The following COP1 variants were observed in gnomAD, a reference collection of about 807,000 sequenced individuals.
COP1 encodes E3 ubiquitin-protein ligase COP1.
Under a neutral mutation model 101.3 loss-of-function variants are expected in COP1, and 24 were observed. The ratio of observed to expected loss-of-function variants is 0.24; its 90% CI spans 0.17 to 0.33. The LOEUF (loss-of-function observed/expected upper bound fraction) is 0.33. Ranked by LOEUF, COP1 falls within the 10% of genes least tolerant of loss-of-function variation. COP1 has a pLI of 1.00. For synonymous variants in COP1, 347 were observed against 341.9 expected, an observed-to-expected ratio of 1.01 and a Z score of -0.17; for missense variants, 663 against 906.2, an observed-to-expected ratio of 0.73 and a Z score of 3.45.
chr1:176,005,633 T>C (rs1220968156), intron 15 of COP1, among the ~76,000 whole-genome samples: 1 of 152,216 alleles, frequency 6.6e-6, no homozygotes, highest in Non-Finnish European at 1.5e-5. Context: ...CAGGAGCAGG[T>C]TGTTCAGTTT....
At chr1:176,033,682 G>T (rs982244118) in intron 14 of COP1, among the ~76,000 whole-genome samples, 1 of 151,854 alleles carries the variant, frequency 6.6e-6, no homozygotes, top group Admixed American at 6.6e-5. Context: ...ACATAATGAT[G>T]GTTCTTTAAC....
intron 9 of COP1, among the ~76,000 whole-genome samples, chr1:176,097,946 A>G (rs1302499628): frequency 6.6e-6 from 1 of 152,072 alleles, no homozygotes; most frequent in Admixed American, 6.5e-5. Context: ...TTTTAAAAGG[A>G]AAATAAAAGC....
chr1:175,955,066 G>A (rs2148506030), intron 18 of COP1, among the ~76,000 whole-genome samples: 1 of 152,068 alleles, frequency 6.6e-6, no homozygotes, highest in East Asian at 1.9e-4. Context: ...TGGGCAATAT[G>A]GCGAAACCCT....
In COP1 at chr1:176,149,057, T is replaced by C. The variant is rs1692013198; in HGVS notation, c.780A>G (p.Gln260=). 6.3e-7 allele frequency: 1 copy of C among 1,585,836 alleles called. No individual in the cohort carries two copies. The highest frequency in any genetic ancestry group is 8.6e-7 in the Non-Finnish European group (1 of 1,161,732). The change falls in exon 6 of 20, where the codon CAA becomes CAG. Residue 260 remains glutamine (Q), a synonymous_variant. Transcript: ENST00000367669. ...TGAGGAATTCCATAAGAATCTGTAG[T>C]TGGGCTGCATGTGATTCCTACAATA... ...KQLEAESHAA[Q]LQILMEFLKV...
At chr1:176,106,160 A>G (rs1684266224) in intron 9 of COP1, among the ~76,000 whole-genome samples, 1 of 152,106 alleles carries the variant, frequency 6.6e-6, no homozygotes, top group Non-Finnish European at 1.5e-5. Context: ...CATCCTGAGT[A>G]GCTGGGATTA....
chr1:176,206,658 G>A lies in COP1; in HGVS notation c.321C>T (p.Gly107=), dbSNP rs1407065588. Residue 107 remains glycine, a synonymous_variant, in exon 1 of 20, where the codon GGC becomes GGT. Transcript: ENST00000367669. ...AGVGGSSSSL[G]SGSRKRPLLA... ...GGAGAGGTCGCTTCCTGCTGCCGCT[G>A]CCTAGGCTGGAGCTGCTGCCTCCTA... 6 of 1,611,096 alleles carry A rather than the reference G, an allele frequency of 3.7e-6. No homozygotes were observed. The highest frequency in any genetic ancestry group is 4.2e-6 in the Non-Finnish European group (5 of 1,179,962).
intron 5 of COP1, among the ~76,000 whole-genome samples, chr1:176,150,132 C>T (rs1692186909): frequency 6.6e-6 from 1 of 152,162 alleles, no homozygotes; most frequent in African/African-American, 2.4e-5. Flanking sequence ...CAATTAAAAT[C>T]TGAAGAATCA....
intron 11 of COP1, among the ~76,000 whole-genome samples, chr1:176,052,993 T>G (rs1490258319): frequency 1.3e-5 from 2 of 152,100 alleles, no homozygotes; most frequent in East Asian, 3.9e-4. Context: ...TCTTTCACTG[T>G]TAAACAATGC....
At chr1:176,117,863 C>A (rs1349939728) in intron 8 of COP1, among the ~76,000 whole-genome samples, 2 of 152,140 alleles carry the variant, frequency 1.3e-5, no homozygotes, top group African/African-American at 4.8e-5. Context: ...CCATTGCACT[C>A]CAGCCTGGGC....
chr1:175,959,173 A>G (rs1236601973), intron 18 of COP1, among the ~76,000 whole-genome samples: 1 of 151,986 alleles, frequency 6.6e-6, no homozygotes, highest in Non-Finnish European at 1.5e-5. Flanking sequence ...GTTAAAAAAA[A>G]ATTTCACCTA....
At chr1:176,086,718 C>T (rs1468639385) in intron 9 of COP1, among the ~76,000 whole-genome samples, 14 of 152,174 alleles carry the variant, frequency 9.2e-5, no homozygotes, top group African/African-American at 3.4e-4. Flanking sequence ...CCATCCCCAT[C>T]AAGCTACCAA....
chr1:175,991,830 A>T (rs1216052027), intron 15 of COP1, among the ~76,000 whole-genome samples: 1 of 152,190 alleles, frequency 6.6e-6, no homozygotes, highest in African/African-American at 2.4e-5. Flanking sequence ...GTTTTGTCTC[A>T]CTGAAAAGTC....
chr1:176,026,372 T>C (rs981306843), intron 15 of COP1, among the ~76,000 whole-genome samples: 23 of 152,000 alleles, frequency 1.5e-4, no homozygotes, highest in African/African-American at 5.3e-4. Flanking sequence ...ATAAGAACTT[T>C]ACACAAAGAA....
At chr1:176,172,742 T>C (rs775521897) in intron 3 of COP1, among the ~76,000 whole-genome samples, 5 of 152,098 alleles carry the variant, frequency 3.3e-5, no homozygotes, top group Non-Finnish European at 4.4e-5. Flanking sequence ...CATTTTTTAG[T>C]ATAGAAAAAA....
intron 15 of COP1, among the ~76,000 whole-genome samples, chr1:176,007,084 T>C (rs1399845807): frequency 6.6e-6 from 1 of 152,222 alleles, no homozygotes; most frequent in Admixed American, 6.5e-5. Context: ...CCCATCTCGC[T>C]TCATTTCATT....
intron 14 of COP1, among the ~76,000 whole-genome samples, chr1:176,042,168 G>C (rs946009859): frequency 8.8e-4 from 134 of 151,800 alleles, no homozygotes; most frequent in African/African-American, 3.2e-3. Context: ...CTAAATGGGA[G>C]GTGGAGGCAG....
chr1:176,004,672 T>G (rs1662643208), intron 15 of COP1, among the ~76,000 whole-genome samples: 1 of 150,948 alleles, frequency 6.6e-6, no homozygotes, highest in Admixed American at 6.6e-5. Context: ...TTGTGTGTAT[T>G]GAACCAGCCT....
chr1:176,002,282 A>G (rs972015464), intron 15 of COP1, among the ~76,000 whole-genome samples: 1 of 151,544 alleles, frequency 6.6e-6, no homozygotes, highest in Non-Finnish European at 1.5e-5. Flanking sequence ...TTTTCTTTGT[A>G]TTCTTTACAA....
intron 1 of COP1, among the ~76,000 whole-genome samples, chr1:176,187,483 G>C (rs1380424338): frequency 6.6e-6 from 1 of 151,916 alleles, no homozygotes; most frequent in African/African-American, 2.4e-5. Flanking sequence ...TCCTGGGCTG[G>C]AGCGATTCTC....
Sources: gnomAD v4.1 joint callset for allele counts (sites outside exome capture counted in the v4.1 genomes callset) on GRCh38, gnomAD v4.1.1 for gene constraint, MANE v1.5 for transcripts, NCBI Gene and HGNC (gene_info 2026-07-23, HGNC 2026-07-21) for gene names.